The following GOLIM4 variants were observed in gnomAD, a reference collection of about 807,000 sequenced individuals.
GOLIM4 encodes 130 kDa golgi-localized phosphoprotein.
Under a neutral mutation model 107.4 loss-of-function variants are expected in GOLIM4, and 71 were observed. That is an observed-to-expected ratio of 0.66 (90% CI 0.55 to 0.81). The LOEUF (loss-of-function observed/expected upper bound fraction) is 0.81, where lower values mean the gene tolerates loss of function less well. Ranked by LOEUF, GOLIM4 falls within the 30% of genes least tolerant of loss-of-function variation. The probability of loss-of-function intolerance (pLI) is 0.00; values close to 1 mark genes in which losing one functional copy is unlikely to be tolerated. For missense variants in GOLIM4, 830 were observed against 826.1 expected, an observed-to-expected ratio of 1.00 and a Z score of -0.06; for synonymous variants, 327 against 294.8, an observed-to-expected ratio of 1.11 and a Z score of -1.12.
In GOLIM4 at chr3:168,032,531, C is replaced by G. The variant is rs373403395; in HGVS notation, c.1165G>C (p.Ala389Pro). 12 of 1,613,634 alleles carry G rather than the reference C, an allele frequency of 7.4e-6. No homozygotes were observed. In the South Asian group the frequency reaches 1.3e-4, roughly 18 times the overall value. The change falls in exon 9 of 16, where the codon GCG becomes CCG. Residue 389 changes from alanine (A) to proline (P), a missense_variant. Transcript: ENST00000470487. ...REAANLLEGHARAEVYPSAKP... is the reference protein window; with the variant it reads ...REAANLLEGHPRAEVYPSAKP... ...GGGTGACTTCATACCTCAGCACGCG[C>G]GTGCCCTTCCAGGAGGTTGGCTGCT...
intron 1 of GOLIM4, among the ~76,000 whole-genome samples, chr3:168,078,777 C>A (rs978427551): frequency 6.6e-6 from 1 of 151,990 alleles, no homozygotes; most frequent in African/African-American, 2.4e-5. Flanking sequence ...AAAATGACCC[C>A]TTTAGAATAT....
Position 168,009,974 on chromosome 3 carries a change from T to A in GOLIM4, c.*295A>T, listed in dbSNP as rs1716897510. On this transcript the variant is annotated 3_prime_UTR_variant, in exon 16 of 16. Transcript: ENST00000470487. ...GTAACACGCTGAAACATATACAAAA[T>A]CAATGAGCTTTCCAACATCACATAA... 2 of 234,022 alleles carry A rather than the reference T, an allele frequency of 8.5e-6. No homozygotes were observed. Among genetic ancestry groups the A allele is most frequent in the Admixed American group, 1.1e-4 (2 of 18,380 alleles). 14.5% of individuals were successfully genotyped at this position (234,022 alleles called of 1,614,324 possible). A position where few individuals can be genotyped will look rare whatever the true frequency, so the allele number is the denominator to read the frequency against.
At chr3:168,050,253 T>C (rs1345175764) in intron 1 of GOLIM4, among the ~76,000 whole-genome samples, 2 of 143,872 alleles carry the variant, frequency 1.4e-5, no homozygotes, top group Non-Finnish European at 1.5e-5. Context: ...TGGTTCCAAG[T>C]CCACTGCTAA....
At chr3:168,093,395 TG>T (rs1159617015) in intron 1 of GOLIM4, among the ~76,000 whole-genome samples, 39 of 152,298 alleles carry the variant, frequency 2.6e-4, no homozygotes, top group African/African-American at 8.9e-4. Context: ...CCCTAATGAG[TG>T]TCAGGCACAG....
Position 168,032,529 on chromosome 3 carries a change from C to A in GOLIM4, c.1167G>T (p.Ala389=), listed in dbSNP as rs137967362. 20 of 1,613,602 alleles carry A rather than the reference C, an allele frequency of 1.2e-5. No individual in the cohort carries two copies. Among genetic ancestry groups the A allele is most frequent in the Admixed American group, 3.3e-5 (2 of 60,024 alleles). ...GCGGGTGACTTCATACCTCAGCACG[C>A]GCGTGCCCTTCCAGGAGGTTGGCTG... ...REAANLLEGH[A]RAEVYPSAKP... The change falls in exon 9 of 16, where the codon GCG becomes GCT. Residue 389 remains alanine (A), a synonymous_variant. Transcript: ENST00000470487.
intron 1 of GOLIM4, among the ~76,000 whole-genome samples, chr3:168,081,170 A>G (rs2108288930): frequency 6.6e-6 from 1 of 152,332 alleles, no homozygotes; most frequent in Non-Finnish European, 1.5e-5. Flanking sequence ...GGACAGCCCA[A>G]TCCCCTAATT....
chr3:168,085,390 T>C (rs941888685), intron 1 of GOLIM4, among the ~76,000 whole-genome samples: 4 of 152,204 alleles, frequency 2.6e-5, no homozygotes, highest in Admixed American at 2.6e-4. Flanking sequence ...GCATGCATTG[T>C]CTCTCCCCGA....
At chr3:168,040,718 G>A in intron 7 of GOLIM4, 68 bp downstream of exon 7, 1 of 964,148 alleles carries the variant, frequency 1.0e-6, no homozygotes, top group Non-Finnish European at 1.7e-6. Context: ...GAGACTACAT[G>A]CATAAAGGAA....
intron 1 of GOLIM4, among the ~76,000 whole-genome samples, chr3:168,063,756 A>G (rs114320818): frequency 0.015 from 2,245 of 151,964 alleles, 33 homozygotes; most frequent in Non-Finnish European, 0.021. Flanking sequence ...CAGGAAGCAT[A>G]GCTAATGGAT....
chr3:168,033,951 C>T (rs537808911), intron 8 of GOLIM4, among the ~76,000 whole-genome samples: 3 of 152,182 alleles, frequency 2.0e-5, no homozygotes, highest in East Asian at 3.9e-4. Context: ...CAGAAACAAA[C>T]GTCACTCTTT....
At chr3:168,057,536 A>C (rs1394001525) in intron 1 of GOLIM4, among the ~76,000 whole-genome samples, 3 of 152,166 alleles carry the variant, frequency 2.0e-5, no homozygotes, top group Admixed American at 2.0e-4. Flanking sequence ...TTAAACCATC[A>C]GATCTTGTAA....
chr3:168,090,169 T>C (rs1282322878), intron 1 of GOLIM4, among the ~76,000 whole-genome samples: 1 of 152,078 alleles, frequency 6.6e-6, no homozygotes, highest in African/African-American at 2.4e-5. Context: ...TCCTGAGTGT[T>C]AGAGGAGCCC....
intron 14 of GOLIM4, among the ~76,000 whole-genome samples, chr3:168,017,008 A>G (rs1717407755): frequency 6.6e-6 from 1 of 151,426 alleles, no homozygotes; most frequent in Non-Finnish European, 1.5e-5. Flanking sequence ...TAACCTGCAC[A>G]ATGTGCACAT....
chr3:168,035,601 ACACATAAG>A (rs1229137379), intron 8 of GOLIM4, among the ~76,000 whole-genome samples: 2 of 152,182 alleles, frequency 1.3e-5, no homozygotes, highest in Admixed American at 1.3e-4. Flanking sequence ...AAATGATGAG[ACACATAAG>A]CACATAGAGG....
intron 1 of GOLIM4, among the ~76,000 whole-genome samples, chr3:168,088,692 G>A (rs777782081): frequency 1.3e-5 from 2 of 152,132 alleles, no homozygotes; most frequent in Non-Finnish European, 2.9e-5. Context: ...GGTGATATGT[G>A]TCCCCTTTTC....
At chr3:168,054,499 G>A (rs1191514798) in intron 1 of GOLIM4, among the ~76,000 whole-genome samples, 3 of 152,110 alleles carry the variant, frequency 2.0e-5, no homozygotes, top group Non-Finnish European at 1.5e-5. Context: ...TTCACACCCA[G>A]AACATCCTGT....
chr3:168,010,094 T>G lies in GOLIM4; in HGVS notation c.*175A>C, dbSNP rs1032397718. 1.6e-5 allele frequency: 8 copies of G among 489,528 alleles called. No homozygotes were observed. The highest frequency in any genetic ancestry group is 2.8e-5 in the Non-Finnish European group (8 of 283,342). The allele number at this position is 489,528 out of a possible 1,614,324, so 30.3% of individuals were successfully genotyped here. A position where few individuals can be genotyped will look rare whatever the true frequency, so the allele number is the denominator to read the frequency against. On this transcript the variant is annotated 3_prime_UTR_variant, in exon 16 of 16. Coordinates refer to ENST00000470487, the MANE Select transcript of GOLIM4 (RefSeq NM_014498.5). ...TTGAATATAAAAGAAGCTCTAGACCTACGTTATCAAAATATATTCATATAA... is the reference window on the plus strand; with the variant it reads ...TTGAATATAAAAGAAGCTCTAGACCGACGTTATCAAAATATATTCATATAA...
At chr3:168,068,847 T>A (rs11719191) in intron 1 of GOLIM4, among the ~76,000 whole-genome samples, 30,784 of 150,156 alleles carry the variant, frequency 0.21, 3,686 homozygotes, top group Middle Eastern at 0.29. Context: ...ATTTTTTTTT[T>A]TTTTTTGAGA....
In GOLIM4 at chr3:168,078,493, C is replaced by T. The variant is rs141369535; in HGVS notation, c.187+16606G>A. ...TCATCACTGTTCACTTCAGCTAGCA[C>T]ATCAGAATTTAAAAATCATAAAATT... On this transcript the variant is annotated intron_variant, in intron 1 of 15. Coordinates refer to ENST00000470487, the MANE Select transcript of GOLIM4 (RefSeq NM_014498.5). Among the ~76,000 whole-genome samples the T allele has an allele frequency of 8.7e-4, 133 of 152,246 alleles. No homozygotes were observed. In the Middle Eastern group the frequency reaches 0.014, roughly 16 times the overall value.
Sources: gnomAD v4.1 joint callset for allele counts (sites outside exome capture counted in the v4.1 genomes callset) on GRCh38, gnomAD v4.1.1 for gene constraint, MANE v1.5 for transcripts, NCBI Gene and HGNC (gene_info 2026-07-23, HGNC 2026-07-21) for gene names.